The following ZMAT4 variants were observed in gnomAD, a reference collection of about 807,000 sequenced individuals.
The protein encoded by ZMAT4 is zinc finger matrin-type protein 4.
ZMAT4 carries 17 observed loss-of-function variants against 28.7 expected under a neutral mutation model. That is an observed-to-expected ratio of 0.59 (90% CI 0.41 to 0.89). The LOEUF (loss-of-function observed/expected upper bound fraction) is 0.89, where lower values mean the gene tolerates loss of function less well. Among genes scored for constraint, ZMAT4 ranks in the 40% least tolerant of loss-of-function variants. The pLI is 0.00. For synonymous variants in ZMAT4, 117 were observed against 109.2 expected (o/e 1.07, Z -0.44); for missense variants, 240 against 283.8 (o/e 0.85, Z 1.11).
rs539922583 is a variant in ZMAT4 at position 40,593,981 on chromosome 8, T to C, written c.578-12720A>G. On this transcript the variant is annotated intron_variant, in intron 5 of 6. Coordinates refer to ENST00000297737, the MANE Select transcript of ZMAT4 (RefSeq NM_024645.3). Reference sequence around the variant, plus strand: ...CTGCTGCATCTCTGCAGTATTGGCCTTTTAAATTAGAAAGTCTTCAACACC... The same window carrying C: ...CTGCTGCATCTCTGCAGTATTGGCCCTTTAAATTAGAAAGTCTTCAACACC... Among the ~76,000 whole-genome samples, 6 of 152,328 alleles carry C rather than the reference T, an allele frequency of 3.9e-5. No individual in the cohort carries two copies. The South Asian group carries it at 1.2e-3, about 32-fold the overall frequency.
chr8:40,742,910 G>A (rs1812071997), intron 3 of ZMAT4, among the ~76,000 whole-genome samples: 1 of 152,100 alleles, frequency 6.6e-6, no homozygotes, highest in African/African-American at 2.4e-5. Flanking sequence ...AAAAGGTTGT[G>A]AAAGCTTAAA....
chr8:40,820,777 T>A (rs1407097106), intron 2 of ZMAT4, among the ~76,000 whole-genome samples: 60 of 228 alleles, frequency 0.26, no homozygotes, highest in South Asian at 0.5. Flanking sequence ...GTATATGTGT[T>A]TATGGGTGTG....
chr8:40,744,441 G>A (rs1812136013), intron 3 of ZMAT4, among the ~76,000 whole-genome samples: 1 of 152,136 alleles, frequency 6.6e-6, no homozygotes, highest in South Asian at 2.1e-4. Flanking sequence ...GGAACACCCT[G>A]CTCTTCAGCA....
intron 5 of ZMAT4, among the ~76,000 whole-genome samples, chr8:40,647,623 G>A (rs1807397726): frequency 6.6e-6 from 1 of 152,142 alleles, no homozygotes; most frequent in African/African-American, 2.4e-5. Context: ...TCTGGGGGCA[G>A]GGCACAGACA....
chr8:40,656,948 T>C (rs2118840555), intron 5 of ZMAT4, among the ~76,000 whole-genome samples: 1 of 152,298 alleles, frequency 6.6e-6, no homozygotes, highest in East Asian at 1.9e-4. Flanking sequence ...CACAATCTCA[T>C]GAATATACTA....
At chr8:40,691,952 C>T (rs1391656745) in intron 4 of ZMAT4, among the ~76,000 whole-genome samples, 1 of 152,106 alleles carries the variant, frequency 6.6e-6, no homozygotes, top group East Asian at 1.9e-4. Flanking sequence ...AGCAAGTGGA[C>T]AGGGATGATA....
At chr8:40,883,833 G>A (rs560640073) in intron 1 of ZMAT4, among the ~76,000 whole-genome samples, 2 of 152,080 alleles carry the variant, frequency 1.3e-5, no homozygotes, top group Non-Finnish European at 2.9e-5. Context: ...TCCTACGAGA[G>A]CTACCTCCGC....
chr8:40,738,534 T>A (rs1811870754), intron 3 of ZMAT4, among the ~76,000 whole-genome samples: 1 of 152,116 alleles, frequency 6.6e-6, no homozygotes, highest in Admixed American at 6.5e-5. Flanking sequence ...CAGGGGATGG[T>A]TTTGCACTGA....
chr8:40,861,474 G>C (rs1378044440), intron 1 of ZMAT4, among the ~76,000 whole-genome samples: 1 of 152,164 alleles, frequency 6.6e-6, no homozygotes, highest in Non-Finnish European at 1.5e-5. Context: ...AAAAACCCTA[G>C]AAGAAAACCT....
At chr8:40,624,811 C>A (rs1806313146) in intron 5 of ZMAT4, among the ~76,000 whole-genome samples, 2 of 152,174 alleles carry the variant, frequency 1.3e-5, no homozygotes, top group Non-Finnish European at 2.9e-5. Flanking sequence ...CAAATACGTA[C>A]TCTGCACTTC....
rs1210645778 is a variant in ZMAT4 at position 40,650,350 on chromosome 8, C to G, written c.577+24354G>C. Among the ~76,000 whole-genome samples, 7 of 148,014 alleles carry G rather than the reference C, an allele frequency of 4.7e-5. No homozygotes were observed. In the Admixed American group the frequency reaches 4.7e-4, roughly 10 times the overall value. ...GAAGAAATGGATAAATTCCTCGACACATACACTCTCCCAAGACTAAACCAG... is the reference window on the plus strand; with the variant it reads ...GAAGAAATGGATAAATTCCTCGACAGATACACTCTCCCAAGACTAAACCAG... On this transcript the variant is annotated intron_variant, in intron 5 of 6. Transcript: ENST00000297737.
rs750851490 is a variant in ZMAT4, at chr8:40,881,599, A to AAAGAAAGAAAGAAAG, written c.-5+16083_-5+16084insCTTTCTTTCTTTCTT. ...GAAAGAAAGAAAGAAAGAAAGAAAG[A>AAAGAAAGAAAGAAAG]AAAGAAAAGAAAAGAGAGAGAGAAA... is the stretch of plus-strand genomic sequence containing the variant. On this transcript the variant is annotated intron_variant, in intron 1 of 6. Coordinates refer to ENST00000297737, the MANE Select transcript of ZMAT4 (RefSeq NM_024645.3). Among the ~76,000 whole-genome samples, 246 of 78,198 alleles carry AAAGAAAGAAAGAAAG rather than the reference A, an allele frequency of 3.1e-3. 9 individuals carry two copies. Among genetic ancestry groups the AAAGAAAGAAAGAAAG allele is most frequent in the East Asian group, 6.1e-3 (15 of 2,464 alleles). 51.3% of individuals were successfully genotyped at this position (78,198 alleles called of 152,430 possible).
chr8:40,661,517 T>C (rs1157151322), intron 5 of ZMAT4, among the ~76,000 whole-genome samples: 3 of 152,232 alleles, frequency 2.0e-5, no homozygotes, highest in Non-Finnish European at 2.9e-5. Context: ...CACAATCACT[T>C]AGAGAATCCC....
At chr8:40,631,360 G>T (rs530455256) in intron 5 of ZMAT4, among the ~76,000 whole-genome samples, 6 of 152,216 alleles carry the variant, frequency 3.9e-5, no homozygotes, top group African/African-American at 1.4e-4. Context: ...ATTTCACCAT[G>T]TTGGCCAGGC....
chr8:40,660,507 C>T (rs1808140230), intron 5 of ZMAT4, among the ~76,000 whole-genome samples: 1 of 152,126 alleles, frequency 6.6e-6, no homozygotes, highest in South Asian at 2.1e-4. Context: ...TACATAATAA[C>T]CACCTAATAG....
chr8:40,816,476 TAAAC>T (rs767269028), intron 2 of ZMAT4, among the ~76,000 whole-genome samples: 5 of 152,120 alleles, frequency 3.3e-5, no homozygotes, highest in African/African-American at 9.7e-5. Context: ...GGGTTATCCT[TAAAC>T]AAACAAACAA....
chr8:40,895,582 G>A lies in ZMAT4; in HGVS notation c.-5+2101C>T, dbSNP rs192601286. Among the ~76,000 whole-genome samples the A allele has an allele frequency of 6.5e-3, 993 of 152,232 alleles. 6 individuals are homozygous for A. The highest frequency in any genetic ancestry group is 0.011 in the Non-Finnish European group (765 of 68,006). Reference sequence around the variant, plus strand: ...GGAGGCAGAGGGAAGGAAAGCGAGCGCTCCAGCGTGTCCCACTTGTACTTT... The same window carrying A: ...GGAGGCAGAGGGAAGGAAAGCGAGCACTCCAGCGTGTCCCACTTGTACTTT... On this transcript the variant is annotated intron_variant, in intron 1 of 6. Transcript: ENST00000297737.
chr8:40,838,432 T>A (rs181223279), intron 1 of ZMAT4, among the ~76,000 whole-genome samples: 23 of 152,268 alleles, frequency 1.5e-4, no homozygotes, highest in African/African-American at 5.1e-4. Context: ...AGCCTCAACC[T>A]CCTGGGCTCA....
At chr8:40,639,660 G>A (rs534546800) in intron 5 of ZMAT4, among the ~76,000 whole-genome samples, 12 of 142,640 alleles carry the variant, frequency 8.4e-5, no homozygotes, top group Middle Eastern at 3.7e-3. Context: ...TCAAGAACAC[G>A]CACAATGAAG....
Sources: allele counts gnomAD v4.1 joint callset (sites outside exome capture counted in the v4.1 genomes callset), GRCh38; gene constraint gnomAD v4.1.1; transcripts MANE v1.5; gene names NCBI Gene and HGNC (gene_info 2026-07-23, HGNC 2026-07-21).